Variants in ENTREP2 observed in about 807,000 individuals in gnomAD.
The protein encoded by ENTREP2 is protein ENTREP2.
chr15:29,381,952 C>A, the ENTREP2 span: 2 of 884,282 alleles, frequency 2.3e-6, no homozygotes, highest in Non-Finnish European at 3.6e-6. Flanking sequence ...CACACAGTGG[C>A]GGGGCTACCA....
chr15:29,609,016 C>A, the ENTREP2 span, among the ~76,000 whole-genome samples: 2 of 151,158 alleles, frequency 1.3e-5, no homozygotes, highest in Non-Finnish European at 3.0e-5. Context: ...TCTATCATGC[C>A]TCACCCCCTT....
the ENTREP2 span, among the ~76,000 whole-genome samples, chr15:29,150,723 AATG>A: frequency 6.6e-6 from 1 of 152,220 alleles, no homozygotes; most frequent in African/African-American, 2.4e-5. Context: ...ACGTCTTGGT[AATG>A]ATGCTCTCTG....
At chr15:29,183,729 A>G in the ENTREP2 span, among the ~76,000 whole-genome samples, 1 of 152,086 alleles carries the variant, frequency 6.6e-6, no homozygotes, top group Non-Finnish European at 1.5e-5. Context: ...GAAGCAGACA[A>G]CTCTGCAGGG....
At chr15:29,359,152 T>C in the ENTREP2 span, among the ~76,000 whole-genome samples, 2 of 152,160 alleles carry the variant, frequency 1.3e-5, no homozygotes, top group Admixed American at 1.3e-4. Context: ...AACATGAATA[T>C]GGATCATGTA....
chr15:29,282,910 T>C, the ENTREP2 span, among the ~76,000 whole-genome samples: 6 of 152,178 alleles, frequency 3.9e-5, no homozygotes, highest in Non-Finnish European at 7.3e-5. Context: ...CAGCCAGATG[T>C]TCTCTTGCCT....
chr15:29,649,284 G>A, the ENTREP2 span, among the ~76,000 whole-genome samples: 8 of 152,172 alleles, frequency 5.3e-5, no homozygotes, highest in Admixed American at 1.3e-4. Flanking sequence ...TGATGGGAGT[G>A]CATTGGCAGA....
At chr15:29,473,000 C>T in the ENTREP2 span, among the ~76,000 whole-genome samples, 1 of 152,094 alleles carries the variant, frequency 6.6e-6, no homozygotes. Context: ...TCAAAGTAGT[C>T]CCAAGAGGCC....
chr15:29,130,106 C>T, the ENTREP2 span, among the ~76,000 whole-genome samples: 1 of 152,194 alleles, frequency 6.6e-6, no homozygotes, highest in Admixed American at 6.5e-5. Flanking sequence ...GGGGCTGGGG[C>T]TGCAGCCTTC....
At chr15:29,617,874 TC>T in the ENTREP2 span, among the ~76,000 whole-genome samples, 2 of 152,200 alleles carry the variant, frequency 1.3e-5, no homozygotes, top group African/African-American at 4.8e-5. Flanking sequence ...CTCAGCCCTC[TC>T]GGGCAGAAGG....
At chr15:29,293,953 T>C in the ENTREP2 span, among the ~76,000 whole-genome samples, 1 of 151,990 alleles carries the variant, frequency 6.6e-6, no homozygotes, top group East Asian at 1.9e-4. Context: ...TGGGGGGAGA[T>C]TGTCTGGGAA....
the ENTREP2 span, among the ~76,000 whole-genome samples, chr15:29,490,882 C>T: frequency 6.6e-6 from 1 of 152,250 alleles, no homozygotes; most frequent in Non-Finnish European, 1.5e-5. Flanking sequence ...CTCTCCTCAG[C>T]CCTTGGGGGT....
At chr15:29,395,420 G>A in the ENTREP2 span, among the ~76,000 whole-genome samples, 5 of 152,016 alleles carry the variant, frequency 3.3e-5, no homozygotes, top group Non-Finnish European at 7.4e-5. Context: ...GTGGAAAACA[G>A]TATAAACCTC....
chr15:29,175,065 G>A, the ENTREP2 span, among the ~76,000 whole-genome samples: 1 of 152,246 alleles, frequency 6.6e-6, no homozygotes, highest in Admixed American at 6.5e-5. Flanking sequence ...GAGCATTCAG[G>A]TCCACAGTCC....
the ENTREP2 span, among the ~76,000 whole-genome samples, chr15:29,304,222 G>C: frequency 1.3e-5 from 2 of 152,050 alleles, no homozygotes; most frequent in Non-Finnish European, 2.9e-5. Flanking sequence ...TGAAAATATT[G>C]AACAGATCAT....
chr15:29,444,134 C>A, the ENTREP2 span, among the ~76,000 whole-genome samples: 1 of 98,058 alleles, frequency 1.0e-5, no homozygotes, highest in Non-Finnish European at 2.2e-5. Context: ...GAAAGAAAGA[C>A]AGACAGAAAG....
At chr15:29,542,136 C>G in the ENTREP2 span, among the ~76,000 whole-genome samples, 3 of 152,186 alleles carry the variant, frequency 2.0e-5, no homozygotes, top group Non-Finnish European at 1.5e-5. Context: ...ATTCAGCCTC[C>G]AGAGTAGCTG....
chr15:29,174,182 T>C, the ENTREP2 span, among the ~76,000 whole-genome samples: 3 of 152,242 alleles, frequency 2.0e-5, no homozygotes, highest in Non-Finnish European at 4.4e-5. Flanking sequence ...TGGGGACATG[T>C]CTCTTCCCTT....
At chr15:29,369,773 GT>G in the ENTREP2 span, among the ~76,000 whole-genome samples, 2 of 152,256 alleles carry the variant, frequency 1.3e-5, no homozygotes, top group African/African-American at 4.8e-5. Flanking sequence ...ATGCAACAGT[GT>G]TTGGAGGTGG....
the ENTREP2 span, among the ~76,000 whole-genome samples, chr15:29,287,230 G>A: frequency 6.6e-6 from 1 of 152,112 alleles, no homozygotes. Flanking sequence ...ATGGAATGGG[G>A]AAGAAAGCTT....
Sources: gnomAD v4.1 joint callset for allele counts (sites outside exome capture counted in the v4.1 genomes callset) on GRCh38, gnomAD v4.1.1 for gene constraint, MANE v1.5 for transcripts, NCBI Gene and HGNC (gene_info 2026-07-23, HGNC 2026-07-21) for gene names.